The following ABTB2 variants were observed in gnomAD, a reference collection of about 807,000 sequenced individuals.
The protein encoded by ABTB2 is ankyrin repeat and BTB/POZ domain-containing protein 2.
In ABTB2, 56 loss-of-function variants were observed where a neutral mutation model predicts 104.1. That is an observed-to-expected ratio of 0.54 (90% confidence interval 0.43 to 0.67). The LOEUF (loss-of-function observed/expected upper bound fraction) is 0.67. Among genes scored for constraint, ABTB2 ranks in the 30% least tolerant of loss-of-function variants. ABTB2 has a pLI of 0.00. For synonymous variants in ABTB2, 606 were observed against 608.2 expected (o/e 1.00, Z 0.05); for missense variants, 1,279 against 1,407.7 (o/e 0.91, Z 1.46).
Position 34,357,338 on chromosome 11 carries a change from G to T in ABTB2, c.246C>A (p.Ala82=), listed in dbSNP as rs1855480477. ...GCCGCGGACAGCGCGAGAAGAGGTC[G>T]GCCACTTCGGGGTCCTCGGGCAGCA... ...NTVLPEDPEV[A]DLFSRCPRLP... The change falls in exon 1 of 17, where the codon GCC becomes GCA. Residue 82 remains alanine, a synonymous_variant. Coordinates refer to ENST00000435224, the MANE Select transcript of ABTB2 (RefSeq NM_145804.3). 1 of 1,521,216 alleles carries T rather than the reference G, an allele frequency of 6.6e-7. No individual in the cohort carries two copies. The highest frequency in any genetic ancestry group is 8.9e-7 in the Non-Finnish European group (1 of 1,128,704). The allele number at this position is 1,521,216 out of a possible 1,614,324, so 94.2% of individuals were successfully genotyped here. A position where few individuals can be genotyped will look rare whatever the true frequency, so the allele number is the denominator to read the frequency against.
chr11:34,260,713 G>T (rs1040276639), intron 1 of ABTB2, among the ~76,000 whole-genome samples: 4 of 152,164 alleles, frequency 2.6e-5, no homozygotes, highest in Non-Finnish European at 4.4e-5. Context: ...TCATTTTACA[G>T]ATGTGAATAT....
At chr11:34,208,859 ACC>A (rs1853440954) in intron 1 of ABTB2, among the ~76,000 whole-genome samples, 1 of 151,206 alleles carries the variant, frequency 6.6e-6, no homozygotes, top group Admixed American at 6.6e-5. Context: ...CACTGCCACC[ACC>A]CCAGTCAGGC....
chr11:34,242,294 G>C (rs1205432786), intron 1 of ABTB2, among the ~76,000 whole-genome samples: 7 of 152,162 alleles, frequency 4.6e-5, no homozygotes, highest in Non-Finnish European at 1.0e-4. Context: ...AAGGCAGGAG[G>C]GTGGGAGCAA....
chr11:34,193,107 T>C (rs563252047), intron 3 of ABTB2, among the ~76,000 whole-genome samples: 9 of 152,304 alleles, frequency 5.9e-5, no homozygotes, highest in African/African-American at 2.2e-4. Flanking sequence ...TCTAACCAGA[T>C]GGTTGTCCTT....
intron 14 of ABTB2, among the ~76,000 whole-genome samples, chr11:34,157,100 C>T (rs1187030892): frequency 3.9e-5 from 6 of 152,226 alleles, no homozygotes; most frequent in Non-Finnish European, 8.8e-5. Flanking sequence ...TGCTGGAAAA[C>T]TTGCAGGCTT....
intron 1 of ABTB2, among the ~76,000 whole-genome samples, chr11:34,248,088 A>ATTTTTTTTTTTT (rs377220875): frequency 2.8e-4 from 22 of 78,364 alleles, no homozygotes; most frequent in African/African-American, 4.3e-4. Context: ...CTTATCTATA[A>ATTTTTTTTTTTT]TTTTTCTTAA....
chr11:34,161,672 C>T (rs1409738577), intron 10 of ABTB2, among the ~76,000 whole-genome samples: 1 of 152,152 alleles, frequency 6.6e-6, no homozygotes, highest in Admixed American at 6.5e-5. Flanking sequence ...TTTACAGTTC[C>T]CCAGCATGTG....
chr11:34,356,096 T>C lies in ABTB2; in HGVS notation c.883+605A>G, dbSNP rs977332989. 1.3e-5 allele frequency among the ~76,000 whole-genome samples: 2 copies of C among 152,204 alleles called. No homozygotes were observed. The highest frequency in any genetic ancestry group is 2.4e-5 in the African/African-American group (1 of 41,460). ...CGGGGTCCCCAGGTTTCATCATTCC[T>C]GGGCACATATAGGTAAGAGCGAACC... On this transcript the variant is annotated intron_variant, in intron 1 of 16. Coordinates refer to ENST00000435224, the MANE Select transcript of ABTB2 (RefSeq NM_145804.3). The surrounding 1 kb of genome is among the most constrained non-coding windows in gnomAD (Gnocchi z 4.6).
intron 1 of ABTB2, among the ~76,000 whole-genome samples, chr11:34,348,185 C>T (rs1291021916): frequency 1.3e-5 from 2 of 152,196 alleles, no homozygotes; most frequent in Non-Finnish European, 2.9e-5. Context: ...GCTAGGACAG[C>T]AGACGGGTGC....
At chr11:34,343,154 A>C (rs1855283994) in intron 1 of ABTB2, among the ~76,000 whole-genome samples, 1 of 151,964 alleles carries the variant, frequency 6.6e-6, no homozygotes, top group Non-Finnish European at 1.5e-5. Flanking sequence ...CTCCCATTTT[A>C]GATCTAGCCA....
At chr11:34,209,385 C>T (rs979473580) in intron 1 of ABTB2, among the ~76,000 whole-genome samples, 6 of 149,544 alleles carry the variant, frequency 4.0e-5, no homozygotes, top group Non-Finnish European at 7.4e-5. Context: ...GAATAGATAA[C>T]GTCCTTCTCT....
chr11:34,164,967 C>A, intron 8 of ABTB2, 146 bp from the exon 9 acceptor site: 1 of 1,105,566 alleles, frequency 9.0e-7, no homozygotes. Flanking sequence ...ATTTGGTGGA[C>A]GAAGTGAAGG....
chr11:34,242,276 G>A (rs1346827797), intron 1 of ABTB2, among the ~76,000 whole-genome samples: 1 of 152,192 alleles, frequency 6.6e-6, no homozygotes, highest in Non-Finnish European at 1.5e-5. Context: ...CCTTATCACT[G>A]AACCAAGAAG....
At chr11:34,279,605 T>C (rs1233783055) in intron 1 of ABTB2, among the ~76,000 whole-genome samples, 2 of 152,156 alleles carry the variant, frequency 1.3e-5, no homozygotes, top group African/African-American at 4.8e-5. Flanking sequence ...TCCTTAACTT[T>C]ATACTATGTA....
intron 1 of ABTB2, among the ~76,000 whole-genome samples, chr11:34,327,371 G>T (rs1257926830): frequency 6.6e-6 from 1 of 152,118 alleles, no homozygotes; most frequent in Non-Finnish European, 1.5e-5. Flanking sequence ...TAGGGGAAAG[G>T]AGTGGGAGCA....
At chr11:34,186,273 G>A (rs1385625469) in intron 3 of ABTB2, among the ~76,000 whole-genome samples, 1 of 152,232 alleles carries the variant, frequency 6.6e-6, no homozygotes, top group Non-Finnish European at 1.5e-5. Context: ...GCGGGGAGGG[G>A]CAAGTCACAG....
chr11:34,273,080 T>G (rs555156743), intron 1 of ABTB2, among the ~76,000 whole-genome samples: 94 of 152,256 alleles, frequency 6.2e-4, no homozygotes, highest in African/African-American at 2.2e-3. Flanking sequence ...TTCCATGATT[T>G]TTAGCTTTTT....
chr11:34,173,268 G>C lies in ABTB2; in HGVS notation c.1284C>G (p.Arg428=). 1.2e-6 allele frequency: 2 copies of C among 1,608,812 alleles called. No individual in the cohort carries two copies. The highest frequency in any genetic ancestry group is 1.7e-6 in the Non-Finnish European group (2 of 1,178,050). ...MLLPPLMEWM[R]VAITYAEHRR... ...GGTGCTCTGCGTAGGTGATGGCCAC[G>C]CGCATCCACTCCATGAGGGGCGGCA... The change falls in exon 4 of 17, where the codon CGC becomes CGG. Residue 428 remains arginine, a synonymous_variant. Transcript: ENST00000435224.
At chr11:34,197,287 A>G in intron 3 of ABTB2, 38 bp downstream of exon 3, 1 of 1,601,354 alleles carries the variant, frequency 6.2e-7, no homozygotes, top group South Asian at 1.1e-5. Context: ...GTTTGGGAGC[A>G]CGTCCCACCA....
Sources: gnomAD v4.1 joint callset for allele counts (sites outside exome capture counted in the v4.1 genomes callset) on GRCh38, gnomAD v4.1.1 for gene constraint, Gnocchi (gnomAD v3.1) non-coding constraint, MANE v1.5 for transcripts, NCBI Gene and HGNC (gene_info 2026-07-23, HGNC 2026-07-21) for gene names.